NCAM2: variants seen among roughly 807,000 people sequenced by gnomAD.
NCAM2 encodes the protein N-CAM-2.
A neutral mutation model predicts 98.1 loss-of-function variants in NCAM2; 30 were observed. The ratio of observed to expected loss-of-function variants is 0.31; its 90% CI spans 0.23 to 0.41. The LOEUF (loss-of-function observed/expected upper bound fraction) is 0.41, where lower values mean the gene tolerates loss of function less well. NCAM2 is among the 10% of genes least tolerant of loss of function. The probability of loss-of-function intolerance (pLI) is 1.00; values close to 1 mark genes in which losing one functional copy is unlikely to be tolerated. For missense variants in NCAM2, 867 were observed against 1,005.8 expected, an observed-to-expected ratio of 0.86 and a Z score of 1.87; for synonymous variants, 368 against 342.4, an observed-to-expected ratio of 1.07 and a Z score of -0.83.
At chr21:21,025,599 A>T (rs1222495811) in intron 1 of NCAM2, among the ~76,000 whole-genome samples, 3 of 142,116 alleles carry the variant, frequency 2.1e-5, no homozygotes, top group African/African-American at 8.0e-5. Context: ...AAACCACTAT[A>T]TTTTTTTGTG....
intron 6 of NCAM2, among the ~76,000 whole-genome samples, chr21:21,332,934 G>A (rs3827163): frequency 0.041 from 6,315 of 152,228 alleles, 243 homozygotes; most frequent in East Asian, 0.19. Flanking sequence ...ATACAATATT[G>A]TTCAAAATGA....
At chr21:21,010,991 G>A (rs1170961280) in intron 1 of NCAM2, among the ~76,000 whole-genome samples, 1 of 151,984 alleles carries the variant, frequency 6.6e-6, no homozygotes, top group Non-Finnish European at 1.5e-5. Flanking sequence ...CGAAGAGCTT[G>A]GATAAAATCT....
chr21:21,029,364 T>C (rs925509313), intron 1 of NCAM2, among the ~76,000 whole-genome samples: 1 of 152,186 alleles, frequency 6.6e-6, no homozygotes, highest in Admixed American at 6.5e-5. Flanking sequence ...GTCATGTTGC[T>C]AGTGTGCTAT....
At chr21:21,414,958 T>C (rs1028205995) in intron 10 of NCAM2, among the ~76,000 whole-genome samples, 9 of 152,002 alleles carry the variant, frequency 5.9e-5, no homozygotes, top group Non-Finnish European at 1.2e-4. Flanking sequence ...TCTTTTTTTT[T>C]TTTTTCTCAG....
intron 1 of NCAM2, among the ~76,000 whole-genome samples, chr21:21,131,280 G>GGT (rs5842895): frequency 7.8e-5 from 4 of 51,442 alleles, no homozygotes; most frequent in East Asian, 5.8e-4. Context: ...TAATTTTTCT[G>GGT]GGGGGGGGCT....
Position 21,331,509 on chromosome 21 carries a change from CTCTCTCTCTA to C in NCAM2, c.738-3994_738-3985del, listed in dbSNP as rs1191875202. The stretch of plus-strand genomic sequence containing the variant: ...CTGGTTAGTATATATACTCTATACT[CTCTCTCTCTA>C]TATATATATATATATACTCTATATA... On this transcript the variant is annotated intron_variant, in intron 6 of 17. Transcript: ENST00000400546. Among the ~76,000 whole-genome samples the C allele has an allele frequency of 1.4e-3, 7 of 5,028 alleles. 2 individuals are homozygous for C. In the South Asian group the frequency reaches 0.036, roughly 26 times the overall value. 3.3% of individuals were successfully genotyped at this position (5,028 alleles called of 152,430 possible).
chr21:21,025,353 G>A (rs1443358985), intron 1 of NCAM2, among the ~76,000 whole-genome samples: 1 of 152,126 alleles, frequency 6.6e-6, no homozygotes, highest in Non-Finnish European at 1.5e-5. Flanking sequence ...CCAAAGTCCT[G>A]GGATTACAGG....
chr21:21,258,254 A>G (rs2071752741), intron 1 of NCAM2, among the ~76,000 whole-genome samples: 1 of 152,136 alleles, frequency 6.6e-6, no homozygotes, highest in South Asian at 2.1e-4. Context: ...CTGAAGTTCT[A>G]GGGTAAGTAA....
chr21:21,070,666 TA>T (rs1020150102), intron 1 of NCAM2, among the ~76,000 whole-genome samples: 11 of 152,292 alleles, frequency 7.2e-5, no homozygotes, highest in Admixed American at 2.0e-4. Flanking sequence ...TGACTACTTT[TA>T]AATAGGGAGA....
chr21:21,404,433 C>T (rs920364649), intron 9 of NCAM2, among the ~76,000 whole-genome samples: 5 of 152,080 alleles, frequency 3.3e-5, no homozygotes, highest in African/African-American at 1.2e-4. Flanking sequence ...TCCCCTTTTG[C>T]TTGGCTCTCA....
chr21:21,341,708 C>CTT (rs5842918), intron 8 of NCAM2, among the ~76,000 whole-genome samples: 1,707 of 142,650 alleles, frequency 0.012, 22 homozygotes, highest in South Asian at 0.021. Flanking sequence ...TAACAATATT[C>CTT]TTTTTTTTTT....
At chr21:21,041,932 T>C (rs1423882871) in intron 1 of NCAM2, among the ~76,000 whole-genome samples, 1 of 152,156 alleles carries the variant, frequency 6.6e-6, no homozygotes, top group African/African-American at 2.4e-5. Context: ...CAGCTTATCT[T>C]GTGGCTAAGA....
At chr21:21,233,123 C>T (rs528535060) in intron 1 of NCAM2, among the ~76,000 whole-genome samples, 3 of 151,224 alleles carry the variant, frequency 2.0e-5, no homozygotes, top group African/African-American at 7.3e-5. Context: ...TTTTTATTTT[C>T]TACTTGGCAG....
intron 1 of NCAM2, among the ~76,000 whole-genome samples, chr21:21,191,895 C>A (rs1366564803): frequency 6.6e-6 from 1 of 151,990 alleles, no homozygotes; most frequent in Admixed American, 6.6e-5. Flanking sequence ...GTTAGATCAC[C>A]TAAGCAAAAT....
At chr21:21,143,180 T>TG (rs35705931) in intron 1 of NCAM2, among the ~76,000 whole-genome samples, 1 of 152,228 alleles carries the variant, frequency 6.6e-6, no homozygotes, top group Non-Finnish European at 1.5e-5. Flanking sequence ...AGCCAACCCC[T>TG]GCTTAGCAGA....
At chr21:21,342,826 T>C (rs1417629495) in intron 8 of NCAM2, among the ~76,000 whole-genome samples, 1 of 152,176 alleles carries the variant, frequency 6.6e-6, no homozygotes, top group Non-Finnish European at 1.5e-5. Flanking sequence ...TATCTCAAAA[T>C]ATTCCCATGA....
At chr21:21,478,661 A>T (rs1985469774) in intron 15 of NCAM2, among the ~76,000 whole-genome samples, 1 of 152,106 alleles carries the variant, frequency 6.6e-6, no homozygotes, top group African/African-American at 2.4e-5. Flanking sequence ...TATAATTTAA[A>T]ATTAGGAAGT....
At chr21:21,070,048 A>G (rs2065527195) in intron 1 of NCAM2, among the ~76,000 whole-genome samples, 1 of 152,082 alleles carries the variant, frequency 6.6e-6, no homozygotes, top group African/African-American at 2.4e-5. Flanking sequence ...AGTTCCTTGC[A>G]TGCTAAAAAA....
chr21:21,387,136 C>T (rs2076285307), intron 9 of NCAM2, among the ~76,000 whole-genome samples: 1 of 151,580 alleles, frequency 6.6e-6, no homozygotes, highest in African/African-American at 2.4e-5. Flanking sequence ...GGTAAGGGCC[C>T]TCTTTTTGGT....
Sources: allele counts gnomAD v4.1 joint callset (sites outside exome capture counted in the v4.1 genomes callset), GRCh38; gene constraint gnomAD v4.1.1; transcripts MANE v1.5; gene names NCBI Gene and HGNC (gene_info 2026-07-23, HGNC 2026-07-21).